TCF3: variants seen among roughly 807,000 people sequenced by gnomAD.
TCF3 encodes transcription factor 3.
A neutral mutation model predicts 72.3 loss-of-function variants in TCF3; 54 were observed. The ratio of observed to expected loss-of-function variants is 0.75; its 90% CI spans 0.60 to 0.94. The LOEUF is 0.94. Among genes scored for constraint, TCF3 ranks in the 40% least tolerant of loss-of-function variants. The probability of loss-of-function intolerance (pLI) is 0.00; values close to 1 mark genes in which losing one functional copy is unlikely to be tolerated. For synonymous variants in TCF3, 525 were observed against 412.6 expected, an observed-to-expected ratio of 1.27 and a Z score of -3.30; for missense variants, 1,078 against 934.4, an observed-to-expected ratio of 1.15 and a Z score of -2.00.
At chr19:1,624,351 G>A (rs899351934) in intron 7 of TCF3, among the ~76,000 whole-genome samples, 2 of 152,118 alleles carry the variant, frequency 1.3e-5, no homozygotes, top group Admixed American at 6.6e-5. Flanking sequence ...AGCCGAGATC[G>A]TGTCACTGCA....
At position 1,650,182 on chromosome 19, in the gene TCF3, TGAAGTCCAG is replaced by T; in HGVS notation, c.58_66del (p.Leu20_Phe22del). 6.4e-7 allele frequency: 1 copy of T among 1,569,658 alleles called. No homozygotes were observed. The highest frequency in any genetic ancestry group is 8.6e-7 in the Non-Finnish European group (1 of 1,158,782). Reference sequence around the variant, plus strand: ...GGGCGGGGGTCCTGGCTCACCATGCTGAAGTCCAGGAGGTCACTGAGCTCCTTGTCTGTG... The same window carrying T: ...GGGCGGGGGTCCTGGCTCACCATGCTGAGGTCACTGAGCTCCTTGTCTGTG... On this transcript the variant is annotated inframe_deletion, in exon 2 of 19. Transcript: ENST00000262965.
chr19:1,630,513 C>T (rs2063573654), intron 5 of TCF3, among the ~76,000 whole-genome samples: 1 of 152,174 alleles, frequency 6.6e-6, no homozygotes, highest in South Asian at 2.1e-4. Context: ...TCCTCCGGGC[C>T]TCAGTTTCCC....
At chr19:1,612,533 C>T (rs1443273789) in intron 18 of TCF3, 15 of 1,196,474 alleles carry the variant, frequency 1.3e-5, no homozygotes, top group Non-Finnish European at 1.8e-5. Context: ...TGTGTTTGTG[C>T]TGGTGTGGGC....
At position 1,646,432 on chromosome 19, in the gene TCF3, AGGGAG is replaced by A. The variant is rs1383432542; in HGVS notation, c.73-10_73-6del. On this transcript the variant is annotated splice_polypyrimidine_tract_variant and splice_region_variant and intron_variant, in intron 2 of 18. Transcript: ENST00000262965. Reference sequence around the variant, plus strand: ...GGTGACAGGCAGCGGGAACATCTGCAGGGAGGGGAGGGGAGACGTGAGCGGGGCGG... The same window carrying A: ...GGTGACAGGCAGCGGGAACATCTGCAGGGAGGGGAGACGTGAGCGGGGCGG... 2 of 1,502,572 alleles carry A rather than the reference AGGGAG, an allele frequency of 1.3e-6. No homozygotes were observed. Among genetic ancestry groups the A allele is most frequent in the Non-Finnish European group, 1.8e-6 (2 of 1,110,458 alleles). 93.1% of individuals were successfully genotyped at this position (1,502,572 alleles called of 1,614,324 possible).
intron 3 of TCF3, among the ~76,000 whole-genome samples, chr19:1,645,181 C>A (rs967735334): frequency 7.9e-5 from 12 of 152,074 alleles, no homozygotes; most frequent in African/African-American, 2.4e-5. Flanking sequence ...CAGGGCCCAC[C>A]CCTGGGGGAT....
chr19:1,631,833 T>C, intron 5 of TCF3: 2 of 1,359,634 alleles, frequency 1.5e-6, no homozygotes, highest in Non-Finnish European at 1.0e-6. Context: ...GGAAGCCTAG[T>C]TGCAGAGTGC....
chr19:1,615,183 G>C lies in TCF3; in HGVS notation c.1822+102C>G, dbSNP rs1432192911. On this transcript the variant is annotated intron_variant, in intron 18 of 18. Coordinates refer to ENST00000262965, the MANE Select transcript of TCF3 (RefSeq NM_003200.5). This position sits in a 1 kb window ranked among gnomAD's most constrained non-coding sequence, Gnocchi z 7.3. Reference sequence around the variant, plus strand: ...CTGCAAGGAGGCAACTGCTGCAGAGGGAGGGCTGGCTCCAGGAAGGCGGGC... The same window carrying C: ...CTGCAAGGAGGCAACTGCTGCAGAGCGAGGGCTGGCTCCAGGAAGGCGGGC... The C allele has an allele frequency of 2.2e-5, 30 of 1,391,402 alleles. No individual in the cohort carries two copies. The highest frequency in any genetic ancestry group is 2.9e-5 in the Non-Finnish European group (30 of 1,044,472). 86.2% of individuals were successfully genotyped at this position (1,391,402 alleles called of 1,614,324 possible).
At chr19:1,633,110 C>T (rs967064719) in intron 3 of TCF3, among the ~76,000 whole-genome samples, 1 of 152,158 alleles carries the variant, frequency 6.6e-6, no homozygotes, top group Non-Finnish European at 1.5e-5. Context: ...GGGCGGGGCC[C>T]TTATCTCTCA....
chr19:1,618,055 C>A (rs928945335), intron 16 of TCF3, among the ~76,000 whole-genome samples: 1 of 152,134 alleles, frequency 6.6e-6, no homozygotes, highest in Non-Finnish European at 1.5e-5. Context: ...AATGACCCCA[C>A]CTTCTCCTGG....
intron 7 of TCF3, among the ~76,000 whole-genome samples, chr19:1,624,954 T>TCCTG (rs2062705556): frequency 6.6e-6 from 1 of 152,218 alleles, no homozygotes; most frequent in East Asian, 1.9e-4. Flanking sequence ...CAAACCATCC[T>TCCTG]CCTGCCTCAG....
At chr19:1,646,888 G>A (rs1410778139) in intron 2 of TCF3, among the ~76,000 whole-genome samples, 1 of 152,262 alleles carries the variant, frequency 6.6e-6, no homozygotes, top group Non-Finnish European at 1.5e-5. Flanking sequence ...AGCCCTGGCT[G>A]ACTCCTCGTT....
chr19:1,619,638 T>C (rs1327966394), intron 14 of TCF3, 142 bp downstream of exon 14: 4 of 1,275,664 alleles, frequency 3.1e-6, no homozygotes, highest in Non-Finnish European at 4.3e-6. Context: ...ACAAAATGTG[T>C]GTGCCTTGGC....
chr19:1,632,311 AG>A lies in TCF3; in HGVS notation c.219+20del. ...CTGGGGACAGGAAACTCAGGGTCTC[AG>A]GCCTCACGGGGACTCCTACCCGGCT... On this transcript the variant is annotated intron_variant, in intron 4 of 18. Coordinates refer to ENST00000262965, the MANE Select transcript of TCF3 (RefSeq NM_003200.5). 1 of 1,571,782 alleles carries A rather than the reference AG, an allele frequency of 6.4e-7. No individual in the cohort carries two copies. The highest frequency in any genetic ancestry group is 8.6e-7 in the Non-Finnish European group (1 of 1,158,158).
In TCF3 at chr19:1,644,538, C is replaced by T. The variant is rs4807946; in HGVS notation, c.145+1817G>A. Among the ~76,000 whole-genome samples the T allele has an allele frequency of 0.014, 2,137 of 152,316 alleles. 133 individuals are homozygous for T. The East Asian group carries it at 0.15, about 11-fold the overall frequency. ...CGCCCTAACGTGTGAGGGGACAAGG[C>T]GAGACCCTCCCAACCTGCAGCATTG... On this transcript the variant is annotated intron_variant, in intron 3 of 18. Coordinates refer to ENST00000262965, the MANE Select transcript of TCF3 (RefSeq NM_003200.5).
intron 2 of TCF3, among the ~76,000 whole-genome samples, chr19:1,648,085 A>C (rs1438476297): frequency 6.6e-6 from 1 of 152,094 alleles, no homozygotes; most frequent in Non-Finnish European, 1.5e-5. Context: ...TTCGTTCCCG[A>C]CCAAAGCTAG....
intron 14 of TCF3, 123 bp from the exon 15 acceptor site, chr19:1,619,597 T>C (rs2061929414): frequency 2.8e-6 from 4 of 1,405,690 alleles, no homozygotes; most frequent in Admixed American, 2.4e-5. Flanking sequence ...GGAAGCTGCA[T>C]ATGCCAGGCA....
intron 3 of TCF3, among the ~76,000 whole-genome samples, chr19:1,641,869 C>T (rs2065291970): frequency 6.6e-6 from 1 of 151,946 alleles, no homozygotes; most frequent in Non-Finnish European, 1.5e-5. Flanking sequence ...CTGGGGATTA[C>T]CAGTGTGAGC....
At chr19:1,646,642 C>A (rs978772123) in intron 2 of TCF3, among the ~76,000 whole-genome samples, 1 of 152,156 alleles carries the variant, frequency 6.6e-6, no homozygotes, top group Non-Finnish European at 1.5e-5. Flanking sequence ...TGGACACCCA[C>A]GCCCAGAGTG....
intron 3 of TCF3, among the ~76,000 whole-genome samples, chr19:1,635,594 C>T (rs765276850): frequency 6.6e-6 from 1 of 152,056 alleles, no homozygotes; most frequent in Admixed American, 6.5e-5. Context: ...AAACACCCAC[C>T]CTCAACGTCT....
Sources: gnomAD v4.1 joint callset for allele counts (sites outside exome capture counted in the v4.1 genomes callset) on GRCh38, gnomAD v4.1.1 for gene constraint, Gnocchi (gnomAD v3.1) non-coding constraint, MANE v1.5 for transcripts, NCBI Gene and HGNC (gene_info 2026-07-23, HGNC 2026-07-21) for gene names.